The following PACRG variants were observed in gnomAD, a reference collection of about 807,000 sequenced individuals.
The protein encoded by PACRG is parkin coregulated.
A neutral mutation model predicts 29.7 loss-of-function variants in PACRG; 29 were observed. The observed-to-expected ratio is 0.98, with a 90% CI of 0.73 to 1.33. The LOEUF is 1.33. Among genes scored for constraint, PACRG ranks in the 40% most tolerant of loss-of-function variants. The pLI, the probability that PACRG is intolerant of heterozygous loss-of-function variation, is 0.00. For missense variants in PACRG, 279 were observed against 316.2 expected, an observed-to-expected ratio of 0.88 and a Z score of 0.89; for synonymous variants, 116 against 118.7, an observed-to-expected ratio of 0.98 and a Z score of 0.15.
At chr6:162,955,758 G>A (rs1192082084) in intron 2 of PACRG, among the ~76,000 whole-genome samples, 1 of 152,230 alleles carries the variant, frequency 6.6e-6, no homozygotes, top group East Asian at 1.9e-4. Flanking sequence ...AGCAGCTGGG[G>A]TGTTACAGTC....
chr6:162,799,116 T>C (rs78665723), intron 1 of PACRG, among the ~76,000 whole-genome samples: 10,423 of 152,212 alleles, frequency 0.068, 483 homozygotes, highest in East Asian at 0.28. Flanking sequence ...GAGTTCAATC[T>C]GCATGTGGAT....
At chr6:162,990,251 C>T (rs1159972597) in intron 2 of PACRG, among the ~76,000 whole-genome samples, 1 of 151,336 alleles carries the variant, frequency 6.6e-6, no homozygotes, top group Non-Finnish European at 1.5e-5. Flanking sequence ...TGGGTATATA[C>T]CCAGTAATGG....
chr6:162,948,938 G>C (rs1354106264), intron 2 of PACRG, among the ~76,000 whole-genome samples: 1 of 152,078 alleles, frequency 6.6e-6, no homozygotes, highest in Admixed American at 6.6e-5. Flanking sequence ...ATGGAAAACA[G>C]TATGGAAATG....
At chr6:163,284,076 G>A (rs1011665511) in intron 4 of PACRG, among the ~76,000 whole-genome samples, 15 of 151,910 alleles carry the variant, frequency 9.9e-5, no homozygotes, top group African/African-American at 3.6e-4. Flanking sequence ...TCAAACCATT[G>A]CACTCCAGCC....
intron 4 of PACRG, among the ~76,000 whole-genome samples, chr6:163,240,337 G>GA (rs904952332): frequency 3.3e-5 from 5 of 152,158 alleles, no homozygotes; most frequent in Non-Finnish European, 5.9e-5. Context: ...GAAAATTTAA[G>GA]AAAAAGCAGA....
At chr6:163,186,187 G>C (rs1356659630) in intron 4 of PACRG, among the ~76,000 whole-genome samples, 1 of 152,160 alleles carries the variant, frequency 6.6e-6, no homozygotes, top group Non-Finnish European at 1.5e-5. Flanking sequence ...TCTCTGGCAG[G>C]CTTTCAGATT....
At chr6:163,092,464 T>G (rs189906993) in intron 4 of PACRG, among the ~76,000 whole-genome samples, 1 of 152,350 alleles carries the variant, frequency 6.6e-6, no homozygotes, top group East Asian at 1.9e-4. Context: ...ATTCTTGTTC[T>G]AGCAGAGAAA....
At chr6:162,952,110 G>A (rs1799698512) in intron 2 of PACRG, among the ~76,000 whole-genome samples, 1 of 152,124 alleles carries the variant, frequency 6.6e-6, no homozygotes, top group African/African-American at 2.4e-5. Flanking sequence ...CTACCTCTCC[G>A]TCATGAAAGA....
chr6:163,063,303 G>C (rs59084543), intron 3 of PACRG, among the ~76,000 whole-genome samples: 1 of 152,050 alleles, frequency 6.6e-6, no homozygotes, highest in Non-Finnish European at 1.5e-5. Flanking sequence ...CCATGGCTTC[G>C]AGGGGTGAGG....
chr6:163,232,280 C>T (rs903822716), intron 4 of PACRG, among the ~76,000 whole-genome samples: 13 of 152,254 alleles, frequency 8.5e-5, no homozygotes, highest in South Asian at 8.3e-4. Flanking sequence ...CACCAGGTGC[C>T]GTGTCCCGCT....
intron 2 of PACRG, among the ~76,000 whole-genome samples, chr6:162,826,825 C>A (rs1788327804): frequency 6.6e-6 from 1 of 152,138 alleles, no homozygotes; most frequent in South Asian, 2.1e-4. Context: ...AGACCTTTAT[C>A]TTCTCAATAT....
intron 1 of PACRG, among the ~76,000 whole-genome samples, chr6:162,775,442 A>T (rs1357523829): frequency 6.6e-6 from 1 of 152,200 alleles, no homozygotes; most frequent in Non-Finnish European, 1.5e-5. Context: ...ATCCATTGTT[A>T]ATTTTAATCA....
At chr6:162,842,454 T>G (rs1441281166) in intron 2 of PACRG, among the ~76,000 whole-genome samples, 2 of 152,090 alleles carry the variant, frequency 1.3e-5, no homozygotes, top group African/African-American at 2.4e-5. Context: ...GCTTGGTAGA[T>G]CTTCCTCCAT....
In PACRG at chr6:163,055,413, C is replaced by A. The variant is rs754107577; in HGVS notation, c.292-6737C>A. ...ACATATATACACACGTGCACACACA[C>A]GCAAACAAGCGCCTGAGGATAAACG... On this transcript the variant is annotated intron_variant, in intron 2 of 4. Coordinates refer to ENST00000366888, the MANE Select transcript of PACRG (RefSeq NM_001080379.2). The surrounding 1 kb of genome is among the most constrained non-coding windows in gnomAD (Gnocchi z 4.0). Among the ~76,000 whole-genome samples, 1 of 152,126 alleles carries A rather than the reference C, an allele frequency of 6.6e-6. No homozygotes were observed. The highest frequency in any genetic ancestry group is 1.9e-4 in the East Asian group (1 of 5,170).
intron 4 of PACRG, among the ~76,000 whole-genome samples, chr6:163,148,285 G>A (rs995191945): frequency 6.6e-6 from 1 of 152,184 alleles, no homozygotes. Context: ...ACTGAAAACA[G>A]TGTCTGGTAT....
chr6:163,014,045 AT>A (rs1162303488), intron 2 of PACRG, among the ~76,000 whole-genome samples: 2 of 152,124 alleles, frequency 1.3e-5, no homozygotes, highest in Non-Finnish European at 2.9e-5. Flanking sequence ...CTTCCTTAAA[AT>A]TTTTCAATAT....
chr6:163,245,039 G>A, intron 4 of PACRG: 1 of 455,676 alleles, frequency 2.2e-6, no homozygotes, highest in Middle Eastern at 3.3e-4. Context: ...ATCATTGTAT[G>A]TAAAAGTCTA....
chr6:163,101,164 C>A, intron 4 of PACRG: 2 of 984,518 alleles, frequency 2.0e-6, no homozygotes, highest in Non-Finnish European at 2.4e-6. Flanking sequence ...CCCCGCCCCC[C>A]AAAAAACCCT....
intron 2 of PACRG, among the ~76,000 whole-genome samples, chr6:162,836,698 GT>G (rs1287314280): frequency 6.6e-6 from 1 of 151,648 alleles, no homozygotes; most frequent in Non-Finnish European, 1.5e-5. Context: ...ATCCCTTCTT[GT>G]TTTTTGTATT....
Sources: allele counts gnomAD v4.1 joint callset (sites outside exome capture counted in the v4.1 genomes callset), GRCh38; gene constraint gnomAD v4.1.1; non-coding constraint Gnocchi (gnomAD v3.1); transcripts MANE v1.5; gene names NCBI Gene and HGNC (gene_info 2026-07-23, HGNC 2026-07-21).